The following GLRA3 variants were observed in gnomAD, a reference collection of about 807,000 sequenced individuals.
GLRA3 encodes the protein glycine receptor alpha 3, also known as glycine receptor subunit alpha-3.
In GLRA3, 44 loss-of-function variants were observed where a neutral mutation model predicts 60.4. The ratio of observed to expected loss-of-function variants is 0.73; its 90% CI spans 0.57 to 0.94. The LOEUF is 0.94. Among genes scored for constraint, GLRA3 ranks in the 40% least tolerant of loss-of-function variants. The pLI is 0.00. For missense variants in GLRA3, 508 were observed against 564.6 expected, an observed-to-expected ratio of 0.90 and a Z score of 1.02; for synonymous variants, 223 against 192.9, an observed-to-expected ratio of 1.16 and a Z score of -1.29.
intron 1 of GLRA3, among the ~76,000 whole-genome samples, chr4:174,808,256 C>T (rs146925140): frequency 2.9e-4 from 44 of 152,164 alleles, no homozygotes; most frequent in Non-Finnish European, 4.7e-4. Flanking sequence ...TCATGCACCA[C>T]GTAACGACAT....
rs540624909 is a variant in GLRA3, at chr4:174,772,130, G to A, written c.200-5100C>T. On this transcript the variant is annotated intron_variant, in intron 2 of 9. Transcript: ENST00000274093. ...GACCAGAGGCTCAAATAGTAAGGCC[G>A]ATGGATGAAATACAGAAAATAACAT... Among the ~76,000 whole-genome samples the A allele has an allele frequency of 9.2e-5, 14 of 152,282 alleles. No homozygotes were observed. In the South Asian group the frequency reaches 1.4e-3, roughly 16 times the overall value.
chr4:174,745,883 CATATCTTAAAA>C (rs1737225085), intron 3 of GLRA3, among the ~76,000 whole-genome samples: 1 of 151,478 alleles, frequency 6.6e-6, no homozygotes, highest in South Asian at 2.1e-4. Context: ...GTGGCCAACA[CATATCTTAAAA>C]AGTGCTCAAC....
chr4:174,778,616 C>T (rs1163934307), intron 2 of GLRA3, among the ~76,000 whole-genome samples: 1 of 152,172 alleles, frequency 6.6e-6, no homozygotes, highest in Non-Finnish European at 1.5e-5. Context: ...TCAGTGGGTG[C>T]ACGCACCGTG....
Position 174,705,074 on chromosome 4 carries a change from C to T in GLRA3, c.574+10414G>A, listed in dbSNP as rs146138111. 1.4e-3 allele frequency among the ~76,000 whole-genome samples: 196 copies of T among 143,972 alleles called. 18 individuals are homozygous for T. Among genetic ancestry groups the T allele is most frequent in the African/African-American group, 4.7e-3 (189 of 39,968 alleles). The allele number at this position is 143,972 out of a possible 152,430, so 94.5% of individuals were successfully genotyped here. On this transcript the variant is annotated intron_variant, in intron 5 of 9. Transcript: ENST00000274093. ...ATGCTTGAAAATGGTTAAGATGGTA[C>T]ATTTTGTTTGTATATTGTTATACTT...
chr4:174,680,901 A>G (rs1734317169), intron 6 of GLRA3, among the ~76,000 whole-genome samples: 1 of 152,216 alleles, frequency 6.6e-6, no homozygotes, highest in Non-Finnish European at 1.5e-5. Flanking sequence ...TTCACAAGCA[A>G]CATAAAAGGT....
At chr4:174,649,138 T>C (rs1732941274) in intron 9 of GLRA3, among the ~76,000 whole-genome samples, 1 of 152,288 alleles carries the variant, frequency 6.6e-6, no homozygotes, top group Non-Finnish European at 1.5e-5. Flanking sequence ...GCTCTATGGC[T>C]GTGCTATGGT....
chr4:174,783,849 G>C (rs1380664381), intron 2 of GLRA3, among the ~76,000 whole-genome samples: 7 of 152,152 alleles, frequency 4.6e-5, no homozygotes, highest in Middle Eastern at 3.2e-3. Flanking sequence ...TGGAGGAATA[G>C]GAACACTTTT....
chr4:174,768,972 A>G (rs1001888750), intron 2 of GLRA3, among the ~76,000 whole-genome samples: 1 of 152,126 alleles, frequency 6.6e-6, no homozygotes, highest in African/African-American at 2.4e-5. Flanking sequence ...AGAAACTAAT[A>G]TCTAAGACTA....
At chr4:174,711,363 G>A (rs952548393) in intron 5 of GLRA3, among the ~76,000 whole-genome samples, 22 of 150,580 alleles carry the variant, frequency 1.5e-4, no homozygotes, top group Admixed American at 6.6e-5. Context: ...TGTTTTTTAT[G>A]CAGTTCATCC....
At chr4:174,686,015 A>G (rs1000475154) in intron 5 of GLRA3, among the ~76,000 whole-genome samples, 4 of 152,238 alleles carry the variant, frequency 2.6e-5, no homozygotes, top group African/African-American at 9.6e-5. Context: ...CAATTTATAG[A>G]CAGTATATGT....
chr4:174,646,552 A>C (rs755052810), intron 9 of GLRA3, among the ~76,000 whole-genome samples: 1 of 152,180 alleles, frequency 6.6e-6, no homozygotes, highest in Non-Finnish European at 1.5e-5. Flanking sequence ...CCTTTGGCCC[A>C]TGTGACTAGA....
intron 1 of GLRA3, among the ~76,000 whole-genome samples, chr4:174,807,849 C>G (rs1193598058): frequency 2.0e-5 from 3 of 152,096 alleles, no homozygotes; most frequent in African/African-American, 7.2e-5. Context: ...ATCAAATACT[C>G]TACCTGCATA....
At chr4:174,788,590 T>TA (rs35640897) in intron 2 of GLRA3, among the ~76,000 whole-genome samples, 6,690 of 87,842 alleles carry the variant, frequency 0.076, 654 homozygotes, top group African/African-American at 0.24. Flanking sequence ...GTTAGAGAAG[T>TA]AAAAAAAAAA....
chr4:174,695,640 T>A (rs575863384), intron 5 of GLRA3, among the ~76,000 whole-genome samples: 79 of 152,232 alleles, frequency 5.2e-4, no homozygotes, highest in African/African-American at 1.9e-3. Context: ...TTATACTGAA[T>A]GGTCAAAAGC....
At chr4:174,795,264 G>A (rs1365029930) in intron 1 of GLRA3, among the ~76,000 whole-genome samples, 1 of 151,914 alleles carries the variant, frequency 6.6e-6, no homozygotes, top group Non-Finnish European at 1.5e-5. Flanking sequence ...ATTTCATCTG[G>A]TAGCAGAAAA....
At chr4:174,721,421 C>A (rs1263281694) in intron 4 of GLRA3, among the ~76,000 whole-genome samples, 1 of 151,678 alleles carries the variant, frequency 6.6e-6, no homozygotes, top group African/African-American at 2.4e-5. Context: ...TTTGTTATAG[C>A]ACTTGTATAA....
At chr4:174,776,056 C>T (rs6553827) in intron 2 of GLRA3, among the ~76,000 whole-genome samples, 111,494 of 152,006 alleles carry the variant, frequency 0.73, 41,184 homozygotes, top group East Asian at 0.99. Context: ...TGGCATCTGT[C>T]TTGAGAGCTT....
At chr4:174,675,896 C>A (rs1256351709) in intron 7 of GLRA3, among the ~76,000 whole-genome samples, 1 of 151,964 alleles carries the variant, frequency 6.6e-6, no homozygotes, top group Non-Finnish European at 1.5e-5. Flanking sequence ...ATAGAATGAA[C>A]TAATAGAAAG....
intron 2 of GLRA3, among the ~76,000 whole-genome samples, chr4:174,781,011 A>G (rs573387505): frequency 1.3e-5 from 2 of 152,284 alleles, no homozygotes; most frequent in East Asian, 3.9e-4. Context: ...CAGAATATAC[A>G]TTTTTTTCAG....
Sources: allele counts gnomAD v4.1 joint callset (sites outside exome capture counted in the v4.1 genomes callset), GRCh38; gene constraint gnomAD v4.1.1; transcripts MANE v1.5; gene names NCBI Gene and HGNC (gene_info 2026-07-23, HGNC 2026-07-21).